The following CTNND2 variants were observed in gnomAD, a reference collection of about 807,000 sequenced individuals.
CTNND2 encodes catenin delta-2.
A neutral mutation model predicts 144.4 loss-of-function variants in CTNND2; 22 were observed. The ratio of observed to expected loss-of-function variants is 0.15; its 90% CI spans 0.11 to 0.22. The LOEUF is 0.22. CTNND2 is among the 10% of genes least tolerant of loss of function. CTNND2 has a pLI of 1.00. For missense variants in CTNND2, 1,353 were observed against 1,618.8 expected, an observed-to-expected ratio of 0.84 and a Z score of 2.82; for synonymous variants, 751 against 695.6, an observed-to-expected ratio of 1.08 and a Z score of -1.25.
rs888983436 is a variant in CTNND2, at chr5:11,737,770, A to G, written c.38-5498T>C. On this transcript the variant is annotated intron_variant, in intron 1 of 21. Coordinates refer to ENST00000304623, the MANE Select transcript of CTNND2 (RefSeq NM_001332.4). ...TGGGGCCCTAATATAACAGGACTTCATGTGCTTATACGAAGAGCAAGTGGC... is the reference window on the plus strand; with the variant it reads ...TGGGGCCCTAATATAACAGGACTTCGTGTGCTTATACGAAGAGCAAGTGGC... 2.0e-5 allele frequency among the ~76,000 whole-genome samples: 3 copies of G among 152,108 alleles called. No individual in the cohort carries two copies. The East Asian group carries it at 5.8e-4, about 29-fold the overall frequency.
At chr5:11,032,699 T>C (rs920689249) in intron 16 of CTNND2, among the ~76,000 whole-genome samples, 5 of 152,216 alleles carry the variant, frequency 3.3e-5, no homozygotes, top group African/African-American at 7.2e-5. Flanking sequence ...AGGAACACTA[T>C]GTGCTACAAC....
intron 3 of CTNND2, among the ~76,000 whole-genome samples, chr5:11,447,930 G>C (rs1373319421): frequency 6.6e-6 from 1 of 152,208 alleles, no homozygotes; most frequent in African/African-American, 2.4e-5. Context: ...GCTGCTTAGA[G>C]AGGGTTTGAT....
At chr5:11,560,299 C>G (rs1166074549) in intron 3 of CTNND2, among the ~76,000 whole-genome samples, 1 of 152,152 alleles carries the variant, frequency 6.6e-6, no homozygotes, top group Non-Finnish European at 1.5e-5. Flanking sequence ...ATAGATCTAA[C>G]TGTTGGTCAC....
intron 9 of CTNND2, among the ~76,000 whole-genome samples, chr5:11,253,358 A>G (rs1443758066): frequency 6.6e-6 from 1 of 152,186 alleles, no homozygotes; most frequent in African/African-American, 2.4e-5. Flanking sequence ...CTTGAATTGT[A>G]GCTCCCATAA....
At chr5:11,380,254 C>T (rs1758347203) in intron 7 of CTNND2, among the ~76,000 whole-genome samples, 1 of 152,188 alleles carries the variant, frequency 6.6e-6, no homozygotes, top group Non-Finnish European at 1.5e-5. Flanking sequence ...AACACAGACA[C>T]TGACATGTTC....
intron 2 of CTNND2, among the ~76,000 whole-genome samples, chr5:11,579,922 CATATTGGGCCA>C: frequency 6.6e-6 from 1 of 152,304 alleles, no homozygotes; most frequent in African/African-American, 2.4e-5. Context: ...CTGTTCCCTA[CATATTGGGCCA>C]ATTTTTTCCC....
chr5:11,747,149 C>T (rs1243046174), intron 1 of CTNND2, among the ~76,000 whole-genome samples: 1 of 152,124 alleles, frequency 6.6e-6, no homozygotes, highest in Non-Finnish European at 1.5e-5. Flanking sequence ...AACAACCATC[C>T]TAGTTCCCCC....
intron 3 of CTNND2, among the ~76,000 whole-genome samples, chr5:11,434,538 T>C (rs534418572): frequency 1.3e-5 from 2 of 152,358 alleles, no homozygotes; most frequent in East Asian, 3.9e-4. Context: ...TATTAAAATA[T>C]AGTTATTAAT....
chr5:11,690,292 TA>T (rs57808915), intron 2 of CTNND2, among the ~76,000 whole-genome samples: 19,474 of 151,958 alleles, frequency 0.13, 4,171 homozygotes, highest in African/African-American at 0.44. Context: ...AATGTACAAC[TA>T]AAAAATAAAA....
chr5:11,699,951 T>C (rs1401697340), intron 2 of CTNND2, among the ~76,000 whole-genome samples: 1 of 152,248 alleles, frequency 6.6e-6, no homozygotes, highest in Non-Finnish European at 1.5e-5. Context: ...GGATACTTGG[T>C]AGAAGCTCCA....
chr5:11,453,420 T>C (rs1765460524), intron 3 of CTNND2, among the ~76,000 whole-genome samples: 1 of 152,232 alleles, frequency 6.6e-6, no homozygotes, highest in African/African-American at 2.4e-5. Flanking sequence ...AGTGAAACTA[T>C]GTCATTTCCA....
intron 6 of CTNND2, 71 bp downstream of exon 6, chr5:11,396,960 C>T: frequency 7.0e-7 from 1 of 1,426,658 alleles, no homozygotes. Context: ...ACAATCTCCA[C>T]ATCCACTGCA....
intron 12 of CTNND2, among the ~76,000 whole-genome samples, chr5:11,154,935 A>G (rs1057251224): frequency 1.3e-5 from 2 of 152,124 alleles, no homozygotes; most frequent in Admixed American, 6.5e-5. Context: ...TCCTCTTTTT[A>G]TAAGATGCCA....
chr5:11,439,221 G>A (rs1764033814), intron 3 of CTNND2, among the ~76,000 whole-genome samples: 1 of 152,112 alleles, frequency 6.6e-6, no homozygotes, highest in Non-Finnish European at 1.5e-5. Flanking sequence ...TGAAAGTCAA[G>A]CCTTGTCACT....
chr5:11,733,246 G>C (rs984736483), intron 1 of CTNND2, among the ~76,000 whole-genome samples: 4 of 152,112 alleles, frequency 2.6e-5, no homozygotes, highest in Non-Finnish European at 5.9e-5. Flanking sequence ...TTGGTATCTG[G>C]GGGGATGAGA....
chr5:11,769,197 T>C (rs561086667), intron 1 of CTNND2, among the ~76,000 whole-genome samples: 2 of 152,214 alleles, frequency 1.3e-5, no homozygotes, highest in South Asian at 4.2e-4. Context: ...TGCCTTGCTT[T>C]GAAAACCCAG....
At chr5:11,280,085 C>T (rs2149994569) in intron 9 of CTNND2, among the ~76,000 whole-genome samples, 2 of 152,258 alleles carry the variant, frequency 1.3e-5, no homozygotes, top group Middle Eastern at 3.4e-3. Context: ...GCCCATACCC[C>T]AGCCACACTG....
At chr5:11,605,991 G>A (rs1206928109) in intron 2 of CTNND2, among the ~76,000 whole-genome samples, 1 of 152,146 alleles carries the variant, frequency 6.6e-6, no homozygotes, top group Non-Finnish European at 1.5e-5. Context: ...CTAATCACAT[G>A]AGCTGGTAAA....
Position 11,384,576 on chromosome 5 carries a change from C to G in CTNND2, c.1177+89G>C. 7.8e-7 allele frequency: 1 copy of G among 1,285,054 alleles called. No homozygotes were observed. The allele number at this position is 1,285,054 out of a possible 1,614,324, so 79.6% of individuals were successfully genotyped here. ...ACTACAACCTGGCAGACAGCGCGCC[C>G]GGCTTCGCTTCTGCTCAAGCCGGGC... On this transcript the variant is annotated intron_variant, in intron 7 of 21. Transcript: ENST00000304623. The surrounding 1 kb of genome is among the most constrained non-coding windows in gnomAD (Gnocchi z 5.2).
Sources: gnomAD v4.1 joint callset for allele counts (sites outside exome capture counted in the v4.1 genomes callset) on GRCh38, gnomAD v4.1.1 for gene constraint, Gnocchi (gnomAD v3.1) non-coding constraint, MANE v1.5 for transcripts, NCBI Gene and HGNC (gene_info 2026-07-23, HGNC 2026-07-21) for gene names.